The following COL13A1 variants were observed in gnomAD, a reference collection of about 807,000 sequenced individuals.
COL13A1 encodes collagen alpha-1(XIII) chain.
Under a neutral mutation model 130.9 loss-of-function variants are expected in COL13A1, and 89 were observed. The observed-to-expected ratio is 0.68, with a 90% CI of 0.57 to 0.81. The LOEUF (loss-of-function observed/expected upper bound fraction) is 0.81, where lower values mean the gene tolerates loss of function less well. Among genes scored for constraint, COL13A1 ranks in the 30% least tolerant of loss-of-function variants. The pLI, the probability that COL13A1 is intolerant of heterozygous loss-of-function variation, is 0.00. For synonymous variants in COL13A1, 402 were observed against 341.6 expected (o/e 1.18, Z -1.95); for missense variants, 879 against 934.6 (o/e 0.94, Z 0.78).
intron 13 of COL13A1, among the ~76,000 whole-genome samples, chr10:69,895,810 C>T (rs1000800662): frequency 6.6e-6 from 1 of 152,152 alleles, no homozygotes; most frequent in African/African-American, 2.4e-5. Context: ...GCTCATCACC[C>T]GTGCGTGTCT....
chr10:69,929,977 C>A, intron 28 of COL13A1, 66 bp from the exon 29 acceptor site: 1 of 1,371,140 alleles, frequency 7.3e-7, no homozygotes, highest in Non-Finnish European at 1.0e-6. Context: ...GTGCACTAAG[C>A]AATGCGTAAC....
chr10:69,919,178 C>G (rs1387061224), intron 20 of COL13A1, 90 bp downstream of exon 20: 2 of 1,557,466 alleles, frequency 1.3e-6, no homozygotes, highest in Non-Finnish European at 1.8e-6. Context: ...CTCTTGGTCC[C>G]CCTGAGGCTG....
intron 29 of COL13A1, 27 bp from the exon 30 acceptor site, chr10:69,930,373 A>C (rs761071066): frequency 6.3e-7 from 1 of 1,588,624 alleles, no homozygotes; most frequent in South Asian, 1.1e-5. Flanking sequence ...TAATGTGTCT[A>C]AGAAGCGTTT....
chr10:69,847,885 G>A (rs1336921196), intron 2 of COL13A1, among the ~76,000 whole-genome samples: 2 of 152,240 alleles, frequency 1.3e-5, no homozygotes, highest in African/African-American at 4.8e-5. Flanking sequence ...GCTGGTCTGG[G>A]AGGGAGGAGT....
At chr10:69,930,583 C>A in intron 30 of COL13A1, 31 bp downstream of exon 30, 1 of 1,602,998 alleles carries the variant, frequency 6.2e-7, no homozygotes, top group Non-Finnish European at 8.5e-7. Flanking sequence ...CCCTTCCGTG[C>A]ATACACCACT....
chr10:69,924,111 G>A (rs1045503834), intron 24 of COL13A1, among the ~76,000 whole-genome samples: 9 of 152,188 alleles, frequency 5.9e-5, no homozygotes, highest in Admixed American at 5.2e-4. Flanking sequence ...TAAACGAGGG[G>A]CTCTTGCTTC....
intron 25 of COL13A1, among the ~76,000 whole-genome samples, chr10:69,925,592 C>A (rs1442343031): frequency 6.6e-6 from 1 of 152,198 alleles, no homozygotes; most frequent in Admixed American, 6.5e-5. Flanking sequence ...GTCGGCCTAG[C>A]CCAGACTTCT....
chr10:69,898,790 T>C lies in COL13A1; in HGVS notation c.750+28T>C, dbSNP rs148360041. The C allele has an allele frequency of 4.0e-4, 637 of 1,590,314 alleles. 3 individuals are homozygous for C. The Middle Eastern group carries it at 6.0e-3, about 15-fold the overall frequency. ...AGACACCTCCCGTTTGTCCAGACCATGTGTGGTTTCCCAAGGGGCCCGGCA... is the reference window on the plus strand; with the variant it reads ...AGACACCTCCCGTTTGTCCAGACCACGTGTGGTTTCCCAAGGGGCCCGGCA... On this transcript the variant is annotated intron_variant, in intron 14 of 40. Coordinates refer to ENST00000645393, the MANE Select transcript of COL13A1 (RefSeq NM_001368882.1).
chr10:69,916,729 G>A (rs910128333), intron 17 of COL13A1, among the ~76,000 whole-genome samples: 1 of 152,196 alleles, frequency 6.6e-6, no homozygotes, highest in Non-Finnish European at 1.5e-5. Context: ...ATGGGGTGCA[G>A]ATAAATGGGC....
In COL13A1 at chr10:69,880,545, G is replaced by A. The variant is rs745996403; in HGVS notation, c.505G>A (p.Gly169Ser). The A allele has an allele frequency of 8.7e-6, 14 of 1,613,328 alleles. No homozygotes were observed. The highest frequency in any genetic ancestry group is 2.2e-5 in the South Asian group (2 of 91,050). Residue 169 changes from glycine (G) to serine (S), a missense_variant, in exon 7 of 41, where the codon GGC becomes AGC. Gly to Ser is a moderately conservative substitution (Grantham distance 56). Around this residue, in one of 3 missense-constraint regions of COL13A1, gnomAD observed 715 missense variants for 721.0 expected, o/e 0.99. Transcript: ENST00000645393. ...TGGGCTGTCCATCATTGGTCCCCGCGGCCCCCCTGTAAGTTGTTTTTGCTC... is the reference window on the plus strand; with the variant it reads ...TGGGCTGTCCATCATTGGTCCCCGCAGCCCCCCTGTAAGTTGTTTTTGCTC... ...DAGLSIIGPRGPPGQPGTRGF... is the reference protein window; with the variant it reads ...DAGLSIIGPRSPPGQPGTRGF...
At chr10:69,879,212 C>G (rs12766652) in intron 6 of COL13A1, among the ~76,000 whole-genome samples, 9,017 of 152,184 alleles carry the variant, frequency 0.059, 354 homozygotes, top group Middle Eastern at 0.15. Context: ...GGCTGGGGCT[C>G]CTAGCTACCA....
At chr10:69,865,790 G>A (rs1210423796) in intron 2 of COL13A1, among the ~76,000 whole-genome samples, 3 of 152,128 alleles carry the variant, frequency 2.0e-5, no homozygotes, top group Admixed American at 2.0e-4. Context: ...CCAGGGGCAG[G>A]TCTGGAGAGG....
chr10:69,883,644 T>A (rs759954744), intron 7 of COL13A1, among the ~76,000 whole-genome samples: 34 of 152,056 alleles, frequency 2.2e-4, no homozygotes, highest in Non-Finnish European at 4.0e-4. Context: ...ACCAGCCTTG[T>A]GGAAGGAGGG....
intron 13 of COL13A1, among the ~76,000 whole-genome samples, chr10:69,896,775 G>A (rs1403002068): frequency 6.6e-6 from 1 of 152,192 alleles, no homozygotes; most frequent in East Asian, 1.9e-4. Context: ...CCGGGCTGAG[G>A]AAGGCAGGCC....
At chr10:69,884,718 T>A (rs1483627345) in intron 7 of COL13A1, among the ~76,000 whole-genome samples, 2 of 152,244 alleles carry the variant, frequency 1.3e-5, no homozygotes, top group African/African-American at 4.8e-5. Flanking sequence ...AATACATCTA[T>A]TTTGTATACA....
chr10:69,867,892 T>G, intron 3 of COL13A1, 87 bp downstream of exon 3: 1 of 713,990 alleles, frequency 1.4e-6, no homozygotes, highest in East Asian at 2.7e-5. Flanking sequence ...CACTGAAAGC[T>G]GGGCCCCTGC....
intron 1 of COL13A1, among the ~76,000 whole-genome samples, chr10:69,810,029 G>T (rs1292520860): frequency 6.6e-6 from 1 of 152,142 alleles, no homozygotes; most frequent in Non-Finnish European, 1.5e-5. Context: ...CTACCTTACT[G>T]TATACTGTCT....
At chr10:69,902,444 G>A (rs924567270) in intron 14 of COL13A1, among the ~76,000 whole-genome samples, 1 of 152,288 alleles carries the variant, frequency 6.6e-6, no homozygotes, top group African/African-American at 2.4e-5. Flanking sequence ...TTGGGCCAGG[G>A]GCTGTCTCCC....
At chr10:69,913,870 G>C (rs1565042406) in intron 17 of COL13A1, among the ~76,000 whole-genome samples, 1 of 150,614 alleles carries the variant, frequency 6.6e-6, no homozygotes, top group Non-Finnish European at 1.5e-5. Flanking sequence ...AAGGGGGTGG[G>C]AGGGAGGGAG....
Sources: gnomAD v4.1 joint callset for allele counts (sites outside exome capture counted in the v4.1 genomes callset) on GRCh38, gnomAD v4.1.1 for gene constraint, gnomAD v4.1.1 regional missense constraint, MANE v1.5 for transcripts, NCBI Gene and HGNC (gene_info 2026-07-23, HGNC 2026-07-21) for gene names.